TSSC4: variants seen among roughly 807,000 people sequenced by gnomAD.
The protein encoded by TSSC4 is U5 small nuclear ribonucleoprotein TSSC4.
For synonymous variants in TSSC4, 259 were observed against 197.9 expected (o/e 1.31, Z -2.59); for missense variants, 500 against 443.9 (o/e 1.13, Z -1.14).
intron 1 of TSSC4, chr11:2,401,474 A>C (rs933377362): frequency 2.0e-5 from 3 of 152,304 alleles, no homozygotes; most frequent in Non-Finnish European, 4.4e-5. Context: ...GTCGCGCCTC[A>C]GAGGAACTGA....
In TSSC4 at chr11:2,403,152, C is replaced by T. The variant is rs1000269318; in HGVS notation, c.519C>T (p.Val173=). 3.1e-6 allele frequency: 5 copies of T among 1,612,068 alleles called. No individual in the cohort carries two copies. Among genetic ancestry groups the T allele is most frequent in the Non-Finnish European group, 4.2e-6 (5 of 1,179,482 alleles). ...TKYSLEDVTE[V]SEQSNQATAL... ...ACAGCCTGGAAGATGTGACCGAGGTCAGCGAGCAGAGCAATCAGGCCACCG... is the reference window on the plus strand; with the variant it reads ...ACAGCCTGGAAGATGTGACCGAGGTTAGCGAGCAGAGCAATCAGGCCACCG... The change falls in exon 3 of 3, where the codon GTC becomes GTT. Residue 173 remains valine, a synonymous_variant. Transcript: ENST00000333256.
chr11:2,402,340 A>G lies in TSSC4; in HGVS notation c.-134A>G, dbSNP rs566984484. The G allele has an allele frequency of 2.8e-4, 119 of 419,344 alleles. No homozygotes were observed. Among genetic ancestry groups the G allele is most frequent in the African/African-American group, 2.0e-3 (99 of 49,598 alleles). 26.0% of individuals were successfully genotyped at this position (419,344 alleles called of 1,614,324 possible). Reference sequence around the variant, plus strand: ...ATGCCGGGGCACTCCGAGGCCTGAGACGACCACGCCTGTGCCGCTGAGGAC... The same window carrying G: ...ATGCCGGGGCACTCCGAGGCCTGAGGCGACCACGCCTGTGCCGCTGAGGAC... On this transcript the variant is annotated 5_prime_UTR_variant, in exon 2 of 3. Transcript: ENST00000333256.
Position 2,403,447 on chromosome 11 carries a change from G to A in TSSC4, c.814G>A (p.Gly272Ser). 6.3e-7 allele frequency: 1 copy of A among 1,596,346 alleles called. No individual in the cohort carries two copies. The highest frequency in any genetic ancestry group is 8.5e-7 in the Non-Finnish European group (1 of 1,170,428). ...GPGSPEAEEWGSHHGGLQEVE... is the reference protein window; with the variant it reads ...GPGSPEAEEWSSHHGGLQEVE... Reference sequence around the variant, plus strand: ...CGGGAGCCCAGAGGCTGAGGAGTGGGGCAGCCACCATGGAGGCCTGCAGGA... The same window carrying A: ...CGGGAGCCCAGAGGCTGAGGAGTGGAGCAGCCACCATGGAGGCCTGCAGGA... Residue 272 changes from glycine (G) to serine (S), a missense_variant, in exon 3 of 3, where the codon GGC (glycine) becomes AGC (serine). Physicochemically the swap from Gly to Ser is moderately conservative, Grantham distance 56. Coordinates refer to ENST00000333256, the MANE Select transcript of TSSC4 (RefSeq NM_005706.4).
chr11:2,402,704 T>A lies in TSSC4; in HGVS notation c.71T>A (p.Leu24Gln), dbSNP rs1187650948. 1.3e-6 allele frequency: 2 copies of A among 1,580,678 alleles called. No individual in the cohort carries two copies. Among genetic ancestry groups the A allele is most frequent in the Non-Finnish European group, 1.7e-6 (2 of 1,163,224 alleles). ...GAACACGGGACGGAGTATGACACGCTGCCTTCCGACACAGTCTCCCTCAGT... is the reference window on the plus strand; with the variant it reads ...GAACACGGGACGGAGTATGACACGCAGCCTTCCGACACAGTCTCCCTCAGT... ...EGEHGTEYDT[L>Q]PSDTVSLSDS... The change falls in exon 3 of 3, where the codon CTG becomes CAG. Residue 24 changes from leucine to glutamine, a missense_variant. Physicochemically the swap from Leu to Gln is moderately radical, Grantham distance 113. Transcript: ENST00000333256.
At position 2,403,695 on chromosome 11, in the gene TSSC4, G is replaced by T. The variant is rs1405776395; in HGVS notation, c.*72G>T. ...GCCTTCCCAGTGGGGCTGGTCAGGG[G>T]GCAGCCTGGCCACTGCCTAGCTGGA... On this transcript the variant is annotated 3_prime_UTR_variant, in exon 3 of 3. Coordinates refer to ENST00000333256, the MANE Select transcript of TSSC4 (RefSeq NM_005706.4). 1 of 1,399,250 alleles carries T rather than the reference G, an allele frequency of 7.1e-7. No individual in the cohort carries two copies. Among genetic ancestry groups the T allele is most frequent in the Non-Finnish European group, 9.4e-7 (1 of 1,063,432 alleles). 86.7% of individuals were successfully genotyped at this position (1,399,250 alleles called of 1,614,324 possible).
At chr11:2,401,814 G>C (rs1310324594) in intron 1 of TSSC4, 1 of 152,214 alleles carries the variant, frequency 6.6e-6, no homozygotes, top group Non-Finnish European at 1.5e-5. Flanking sequence ...TCCAGGAGCC[G>C]CGGGGATTTA....
At position 2,403,357 on chromosome 11, in the gene TSSC4, G is replaced by T; in HGVS notation, c.724G>T (p.Gly242Cys). ...GAAGGTGGGAGAGCCAGGCAGGGGC[G>T]GCCTTGGGAATCCTGCCACAGACAG... The part of the protein sequence containing the change: ...LGKVGEPGRG[G>C]LGNPATDRGE... The change falls in exon 3 of 3, where the codon GGC (glycine) becomes TGC (cysteine). Residue 242 changes from glycine (G) to cysteine (C), a missense_variant. Physicochemically the swap from Gly to Cys is radical, Grantham distance 159. Coordinates refer to ENST00000333256, the MANE Select transcript of TSSC4 (RefSeq NM_005706.4). 3 of 1,611,454 alleles carry T rather than the reference G, an allele frequency of 1.9e-6. No homozygotes were observed. Among genetic ancestry groups the T allele is most frequent in the Non-Finnish European group, 2.5e-6 (3 of 1,179,078 alleles).
chr11:2,402,875 A>T lies in TSSC4; in HGVS notation c.242A>T (p.His81Leu), dbSNP rs77344525. Residue 81 changes from histidine (H) to leucine (L), a missense_variant, in exon 3 of 3, where the codon CAT (histidine) becomes CTT (leucine). By Grantham distance (99) the His-to-Leu change is moderately conservative. Coordinates refer to ENST00000333256, the MANE Select transcript of TSSC4 (RefSeq NM_005706.4). ...GLLPATVQPF[H>L]LRGMSSTFSQ... ...CTCCCAGCCACGGTGCAGCCATTCC[A>T]TCTGAGAGGCATGAGCTCCACCTTC... 9.9e-6 allele frequency: 16 copies of T among 1,611,812 alleles called. No homozygotes were observed. The highest frequency in any genetic ancestry group is 6.7e-5 in the Admixed American group (4 of 59,926).
rs776886790 is a variant in TSSC4, at chr11:2,402,854, C to T, written c.221C>T (p.Pro74Leu). Reference sequence around the variant, plus strand: ...CCCTCACCCCCGTCAGGCCTCCTCCCAGCCACGGTGCAGCCATTCCATCTG... The same window carrying T: ...CCCTCACCCCCGTCAGGCCTCCTCCTAGCCACGGTGCAGCCATTCCATCTG... The part of the protein sequence containing the change: ...EPPSPPSGLL[P>L]ATVQPFHLRG... Residue 74 changes from proline to leucine, a missense_variant, in exon 3 of 3, where the codon CCA becomes CTA. Physicochemically the swap from Pro to Leu is moderately conservative, Grantham distance 98 (BLOSUM62 -3). Transcript: ENST00000333256. 1.9e-6 allele frequency: 3 copies of T among 1,609,074 alleles called. No homozygotes were observed. The highest frequency in any genetic ancestry group is 2.5e-6 in the Non-Finnish European group (3 of 1,178,196).
At position 2,403,541 on chromosome 11, in the gene TSSC4, G is replaced by T. The variant is rs1254905837; in HGVS notation, c.908G>T (p.Gly303Val). The T allele has an allele frequency of 6.3e-7, 1 of 1,589,394 alleles. No homozygotes were observed. The highest frequency in any genetic ancestry group is 1.1e-5 in the South Asian group (1 of 87,652). The stretch of plus-strand genomic sequence containing the variant: ...GGTCTCCCGCCGGTGGAAACTGTTG[G>T]CTTCCATGGCAGCAGGAAGCGGAGT... ...VPGLPPVETV[G>V]FHGSRKRSRD... Residue 303 changes from glycine to valine, a missense_variant, in exon 3 of 3, where the codon GGC becomes GTC. Physicochemically the swap from Gly to Val is moderately radical, Grantham distance 109. Coordinates refer to ENST00000333256, the MANE Select transcript of TSSC4 (RefSeq NM_005706.4).
rs200813886 is a variant in TSSC4, at chr11:2,403,114, C to T, written c.481C>T (p.Arg161Cys). 5.1e-5 allele frequency: 82 copies of T among 1,612,574 alleles called. No homozygotes were observed. Among genetic ancestry groups the T allele is most frequent in the Middle Eastern group, 1.7e-4 (1 of 6,060 alleles). The change falls in exon 3 of 3, where the codon CGC becomes TGC. Residue 161 changes from arginine to cysteine, a missense_variant. Coordinates refer to ENST00000333256, the MANE Select transcript of TSSC4 (RefSeq NM_005706.4). ...PVPDYVAHPE[R>C]WTKYSLEDVT... is the part of the protein sequence containing the mutation. ...CCCCGACTACGTGGCACACCCCGAG[C>T]GCTGGACCAAGTACAGCCTGGAAGA...
At position 2,402,605 on chromosome 11, in the gene TSSC4, G is replaced by C; in HGVS notation, c.-23-6G>C. 6.4e-7 allele frequency: 1 copy of C among 1,559,844 alleles called. No homozygotes were observed. The highest frequency in any genetic ancestry group is 8.7e-7 in the Non-Finnish European group (1 of 1,149,028). ...GAAACAAATTTTCTGGGCTGTTTTG[G>C]TTTAGGTGTGGCGTGGCCCTGGGGA... On this transcript the variant is annotated splice_polypyrimidine_tract_variant and splice_region_variant and intron_variant, in intron 2 of 2. Transcript: ENST00000333256.
At position 2,402,721 on chromosome 11, in the gene TSSC4, T is replaced by C; in HGVS notation, c.88T>C (p.Ser30Pro). The change falls in exon 3 of 3, where the codon TCC (serine) becomes CCC (proline). Residue 30 changes from serine (S) to proline (P), a missense_variant. Coordinates refer to ENST00000333256, the MANE Select transcript of TSSC4 (RefSeq NM_005706.4). ...EYDTLPSDTVSLSDSDSDLSL... is the reference protein window; with the variant it reads ...EYDTLPSDTVPLSDSDSDLSL... ...TGACACGCTGCCTTCCGACACAGTC[T>C]CCCTCAGTGACTCGGACTCTGACCT... 6.3e-7 allele frequency: 1 copy of C among 1,575,560 alleles called. No homozygotes were observed. Among genetic ancestry groups the C allele is most frequent in the Non-Finnish European group, 8.6e-7 (1 of 1,160,206 alleles).
At position 2,403,812 on chromosome 11, in the gene TSSC4, T is replaced by G. The variant is rs937583228; in HGVS notation, c.*189T>G. The G allele has an allele frequency of 9.7e-5, 50 of 513,412 alleles. No individual in the cohort carries two copies. The highest frequency in any genetic ancestry group is 5.3e-4 in the Middle Eastern group (1 of 1,874). The allele number at this position is 513,412 out of a possible 1,614,324, so 31.8% of individuals were successfully genotyped here. On this transcript the variant is annotated 3_prime_UTR_variant, in exon 3 of 3. Coordinates refer to ENST00000333256, the MANE Select transcript of TSSC4 (RefSeq NM_005706.4). The stretch of plus-strand genomic sequence containing the variant: ...AGAGACCTTGCTGAAGCTCCTGGGG[T>G]GTGGGGTGTGGGCTGGAAGCACTGG...
At chr11:2,402,573 C>G in intron 2 of TSSC4, 38 bp from the exon 3 acceptor site, 2 of 1,494,708 alleles carry the variant, frequency 1.3e-6, no homozygotes, top group South Asian at 2.6e-5. Flanking sequence ...AATACTGTTC[C>G]TCCTGAGAAA....
chr11:2,403,696 G>A lies in TSSC4; in HGVS notation c.*73G>A. The A allele has an allele frequency of 3.6e-6, 5 of 1,399,506 alleles. No homozygotes were observed. Among genetic ancestry groups the A allele is most frequent in the Non-Finnish European group, 2.8e-6 (3 of 1,064,274 alleles). 86.7% of individuals were successfully genotyped at this position (1,399,506 alleles called of 1,614,324 possible). A position where few individuals can be genotyped will look rare whatever the true frequency, so the allele number is the denominator to read the frequency against. On this transcript the variant is annotated 3_prime_UTR_variant, in exon 3 of 3. Coordinates refer to ENST00000333256, the MANE Select transcript of TSSC4 (RefSeq NM_005706.4). ...CCTTCCCAGTGGGGCTGGTCAGGGG[G>A]CAGCCTGGCCACTGCCTAGCTGGAA...
Position 2,403,578 on chromosome 11 carries a change from C to G in TSSC4, c.945C>G (p.Phe315Leu). Residue 315 changes from phenylalanine (F) to leucine (L), a missense_variant, in exon 3 of 3, where the codon TTC becomes TTG. Transcript: ENST00000333256. ...HGSRKRSRDH[F>L]RNKSSSPEDP... Reference sequence around the variant, plus strand: ...GCAGGAAGCGGAGTCGAGACCACTTCCGGAACAAGAGCAGCAGCCCCGAGG... The same window carrying G: ...GCAGGAAGCGGAGTCGAGACCACTTGCGGAACAAGAGCAGCAGCCCCGAGG... 1 of 1,553,750 alleles carries G rather than the reference C, an allele frequency of 6.4e-7. No individual in the cohort carries two copies. The highest frequency in any genetic ancestry group is 8.7e-7 in the Non-Finnish European group (1 of 1,153,334).
chr11:2,402,426 C>G lies in TSSC4; in HGVS notation c.-48C>G. 1 of 599,290 alleles carries G rather than the reference C, an allele frequency of 1.7e-6. No individual in the cohort carries two copies. The highest frequency in any genetic ancestry group is 2.9e-6 in the Non-Finnish European group (1 of 344,544). 37.1% of individuals were successfully genotyped at this position (599,290 alleles called of 1,614,324 possible). On this transcript the variant is annotated 5_prime_UTR_variant, in exon 2 of 3. Coordinates refer to ENST00000333256, the MANE Select transcript of TSSC4 (RefSeq NM_005706.4). ...TGTCCAATCACACTCCAGTGTCAACCACTGGCACCCAGCAGCCAAGAGAGG... is the reference window on the plus strand; with the variant it reads ...TGTCCAATCACACTCCAGTGTCAACGACTGGCACCCAGCAGCCAAGAGAGG...
chr11:2,403,240 C>A lies in TSSC4; in HGVS notation c.607C>A (p.Gln203Lys), dbSNP rs1465297901. 6.2e-7 allele frequency: 1 copy of A among 1,612,758 alleles called. No homozygotes were observed. Among genetic ancestry groups the A allele is most frequent in the Non-Finnish European group, 8.5e-7 (1 of 1,179,932 alleles). ...CACTGACTGCGTGTCCTCCTTCAACCAGGATCCCTCCAGCTGTGGGGAGGG... is the reference window on the plus strand; with the variant it reads ...CACTGACTGCGTGTCCTCCTTCAACAAGGATCCCTCCAGCTGTGGGGAGGG... ...APTDCVSSFN[Q>K]DPSSCGEGRV... Residue 203 changes from glutamine to lysine, a missense_variant, in exon 3 of 3, where the codon CAG becomes AAG. Transcript: ENST00000333256.
Sources: allele counts gnomAD v4.1 joint callset, GRCh38; gene constraint gnomAD v4.1.1; transcripts MANE v1.5; gene names NCBI Gene and HGNC (gene_info 2026-07-23, HGNC 2026-07-21).